Variants in COL6A3 observed in about 807,000 individuals in gnomAD.
COL6A3 encodes collagen alpha-3(VI) chain.
COL6A3 carries 137 observed loss-of-function variants against 274.1 expected under a neutral mutation model. The observed-to-expected ratio is 0.50, with a 90% CI of 0.44 to 0.58. The LOEUF (loss-of-function observed/expected upper bound fraction) is 0.58. Ranked by LOEUF, COL6A3 falls within the 20% of genes least tolerant of loss-of-function variation. COL6A3 has a pLI of 0.00. For missense variants in COL6A3, 3,950 were observed against 4,124.9 expected (o/e 0.96, Z 1.16); for synonymous variants, 1,650 against 1,650.6 (o/e 1.00, Z 0.01).
rs1229828704 is a variant in COL6A3 at position 237,368,679 on chromosome 2, G to C, written c.4784C>G (p.Thr1595Arg). 6.2e-7 allele frequency: 1 copy of C among 1,614,158 alleles called. No homozygotes were observed. The highest frequency in any genetic ancestry group is 1.1e-5 in the South Asian group (1 of 91,082). ...GGGAAGCTCTCTGAACTCTCGCACT[G>C]TGAAGACCAGTCTGGGGTCATTGGT... ...TITNDPRLVFTVREFRELPNI... is the reference protein window; with the variant it reads ...TITNDPRLVFRVREFRELPNI... Residue 1595 changes from threonine (T) to arginine (R), a missense_variant, in exon 10 of 44, where the codon ACA (threonine) becomes AGA (arginine). Thr to Arg is a moderately conservative substitution (Grantham distance 71). Around this residue, in one of 5 missense-constraint regions of COL6A3, gnomAD observed 632 missense variants for 623.4 expected, o/e 1.01. Coordinates refer to ENST00000295550, the MANE Select transcript of COL6A3 (RefSeq NM_004369.4). The surrounding 1 kb of genome is among the most constrained non-coding windows in gnomAD (Gnocchi z 4.4).
chr2:237,395,781 A>T (rs141119618), intron 2 of COL6A3, among the ~76,000 whole-genome samples: 1 of 152,350 alleles, frequency 6.6e-6, no homozygotes, highest in African/African-American at 2.4e-5. Context: ...TATTTTTTCC[A>T]GATTTTTTGA....
Position 237,368,643 on chromosome 2 carries a change from T to C in COL6A3, c.4820A>G (p.Glu1607Gly), listed in dbSNP as rs748415256. ...GGGTCCAAACGAGTTCATGATTCTT[T>C]CTTCTATGTTGGGAAGCTCTCTGAA... ...REFRELPNIE[E>G]RIMNSFGPSA... Residue 1607 changes from glutamate to glycine, a missense_variant, in exon 10 of 44, where the codon GAA becomes GGA. By Grantham distance (98) the Glu-to-Gly change is moderately conservative. This residue lies in a region of COL6A3 where 632 missense variants were observed against 623.4 expected (regional missense o/e 1.01). Coordinates refer to ENST00000295550, the MANE Select transcript of COL6A3 (RefSeq NM_004369.4). The surrounding 1 kb of genome is among the most constrained non-coding windows in gnomAD (Gnocchi z 4.4). 1 of 1,614,114 alleles carries C rather than the reference T, an allele frequency of 6.2e-7. No individual in the cohort carries two copies. The highest frequency in any genetic ancestry group is 8.5e-7 in the Non-Finnish European group (1 of 1,180,034).
chr2:237,363,466 G>C, intron 13 of COL6A3, 68 bp from the exon 14 acceptor site: 4 of 1,574,416 alleles, frequency 2.5e-6, no homozygotes, highest in Non-Finnish European at 3.5e-6. Context: ...CTTTTTTCCT[G>C]ACTACATTTT....
In COL6A3 at chr2:237,324,831, G is replaced by C. The variant is rs752501337; in HGVS notation, c.9494-17C>G. Reference sequence around the variant, plus strand: ...TGGCGAGCACTGAGCGTCGAGAGAGGGGGTGGGTGGGGTGAGGTGAGGAGC... The same window carrying C: ...TGGCGAGCACTGAGCGTCGAGAGAGCGGGTGGGTGGGGTGAGGTGAGGAGC... On this transcript the variant is annotated splice_polypyrimidine_tract_variant and intron_variant, in intron 43 of 43. Coordinates refer to ENST00000295550, the MANE Select transcript of COL6A3 (RefSeq NM_004369.4). The C allele has an allele frequency of 6.2e-7, 1 of 1,612,400 alleles. No homozygotes were observed. Among genetic ancestry groups the C allele is most frequent in the African/African-American group, 1.3e-5 (1 of 74,998 alleles).
At chr2:237,334,985 GACAA>G (rs1700458917) in intron 40 of COL6A3, 96 bp from the exon 41 acceptor site, 5 of 1,447,902 alleles carry the variant, frequency 3.5e-6, no homozygotes. Context: ...TGTGTTAACA[GACAA>G]ATTGACTTGA....
At position 237,361,986 on chromosome 2, in the gene COL6A3, G is replaced by C. The variant is rs2077448462; in HGVS notation, c.6064-155C>G. Among the ~76,000 whole-genome samples the C allele has an allele frequency of 6.6e-6, 1 of 152,202 alleles. No individual in the cohort carries two copies. Among genetic ancestry groups the C allele is most frequent in the Admixed American group, 6.5e-5 (1 of 15,286 alleles). On this transcript the variant is annotated intron_variant, in intron 14 of 43. Transcript: ENST00000295550. This position sits in a 1 kb window ranked among gnomAD's most constrained non-coding sequence, Gnocchi z 5.1. ...ACATTTGCTGGACGACTGACGATAT[G>C]ATAGAAATTGCCAGCGAAGTCAGGA...
chr2:237,387,180 A>G (rs1222293397), intron 4 of COL6A3, among the ~76,000 whole-genome samples: 1 of 152,204 alleles, frequency 6.6e-6, no homozygotes, highest in Admixed American at 6.5e-5. Context: ...GCACACTTCT[A>G]ACACTGACTT....
At chr2:237,375,085 T>A in intron 7 of COL6A3, 65 bp from the exon 8 acceptor site, 1 of 1,604,090 alleles carries the variant, frequency 6.2e-7, no homozygotes. Context: ...ATCAACGAGG[T>A]GGGCTGCATA....
In COL6A3 at chr2:237,368,816, A is replaced by G; in HGVS notation, c.4647T>C (p.Gly1549=). 1 of 1,614,134 alleles carries G rather than the reference A, an allele frequency of 6.2e-7. No homozygotes were observed. Among genetic ancestry groups the G allele is most frequent in the Non-Finnish European group, 8.5e-7 (1 of 1,180,020 alleles). ...GVPQHLVLVL[G]GKSQDDVSRF... is the part of the protein sequence containing the mutation. ...TGGACACATCGTCCTGGGATTTTCC[A>G]CCCAGGACCAGGACCAGGTGTTGGG... Residue 1549 remains glycine (G), a synonymous_variant, in exon 10 of 44, where the codon GGT becomes GGC. Coordinates refer to ENST00000295550, the MANE Select transcript of COL6A3 (RefSeq NM_004369.4). The surrounding 1 kb of genome is among the most constrained non-coding windows in gnomAD (Gnocchi z 4.4).
chr2:237,359,446 GC>G, intron 17 of COL6A3, 58 bp from the exon 18 acceptor site: 1 of 1,583,362 alleles, frequency 6.3e-7, no homozygotes, highest in Middle Eastern at 1.7e-4. Flanking sequence ...GGTCCCTCGG[GC>G]AGAAGAGGCC....
chr2:237,404,703 C>G (rs962575157), intron 1 of COL6A3, among the ~76,000 whole-genome samples: 3 of 152,172 alleles, frequency 2.0e-5, no homozygotes, highest in Non-Finnish European at 2.9e-5. Context: ...ATACCTCACA[C>G]AGTGAAAGCC....
Position 237,395,178 on chromosome 2 carries a change from T to G in COL6A3, c.118A>C (p.Ile40Leu). 1 of 1,613,616 alleles carries G rather than the reference T, an allele frequency of 6.2e-7. No individual in the cohort carries two copies. Reference protein sequence around the residue: ...ADVKNGAAADIIFLVDSSWTI... With the variant: ...ADVKNGAAADLIFLVDSSWTI... Reference sequence around the variant, plus strand: ...CAAGAGGAATCCACTAGAAATATTATATCAGCAGCCGCACCATTTTTGACA... The same window carrying G: ...CAAGAGGAATCCACTAGAAATATTAGATCAGCAGCCGCACCATTTTTGACA... The change falls in exon 3 of 44, where the codon ATA (isoleucine) becomes CTA (leucine). Residue 40 changes from isoleucine to leucine, a missense_variant. By Grantham distance (5) the Ile-to-Leu change is conservative (BLOSUM62 2). Around this residue, in one of 5 missense-constraint regions of COL6A3, gnomAD observed 1,934 missense variants for 1,984.3 expected, o/e 0.97. Coordinates refer to ENST00000295550, the MANE Select transcript of COL6A3 (RefSeq NM_004369.4).
chr2:237,347,948 A>C, intron 30 of COL6A3, 79 bp from the exon 31 acceptor site: 1 of 1,342,246 alleles, frequency 7.5e-7, no homozygotes, highest in Non-Finnish European at 1.0e-6. Context: ...TAAGACATCC[A>C]GGAGACGTGT....
chr2:237,389,264 A>T (rs758154188), intron 3 of COL6A3, among the ~76,000 whole-genome samples: 1 of 152,228 alleles, frequency 6.6e-6, no homozygotes. Flanking sequence ...TCACAGCATC[A>T]GTTCGAATGT....
chr2:237,389,991 C>T (rs2078246499), intron 3 of COL6A3, among the ~76,000 whole-genome samples: 4 of 152,234 alleles, frequency 2.6e-5, no homozygotes, highest in Middle Eastern at 3.4e-3. Context: ...ACACAGAAGG[C>T]CATAGAAATG....
At chr2:237,332,068 TA>T (rs1700262119) in intron 42 of COL6A3, among the ~76,000 whole-genome samples, 5 of 51,156 alleles carry the variant, frequency 9.8e-5, no homozygotes, top group Admixed American at 5.0e-4. Context: ...TCTCTCTCTC[TA>T]CATATATATA....
In COL6A3 at chr2:237,372,458, T is replaced by C; in HGVS notation, c.3680-121A>G. 5.1e-6 allele frequency: 8 copies of C among 1,575,752 alleles called. 1 individual carries two copies. The South Asian group carries it at 7.8e-5, about 15-fold the overall frequency. ...GGGATCCTAACACCAATCACCACTGTTAAAAGTCCAAGAAGTGGGAGTCCT... is the reference window on the plus strand; with the variant it reads ...GGGATCCTAACACCAATCACCACTGCTAAAAGTCCAAGAAGTGGGAGTCCT... On this transcript the variant is annotated intron_variant, in intron 8 of 43. Coordinates refer to ENST00000295550, the MANE Select transcript of COL6A3 (RefSeq NM_004369.4).
chr2:237,374,788 C>A lies in COL6A3; in HGVS notation c.3303G>T (p.Leu1101=). 2 of 1,614,066 alleles carry A rather than the reference C, an allele frequency of 1.2e-6. No individual in the cohort carries two copies. Among genetic ancestry groups the A allele is most frequent in the Non-Finnish European group, 8.5e-7 (1 of 1,180,012 alleles). Residue 1101 remains leucine (L), a synonymous_variant, in exon 8 of 44, where the codon CTG becomes CTT. Transcript: ENST00000295550. This position sits in a 1 kb window ranked among gnomAD's most constrained non-coding sequence, Gnocchi z 4.8. ...VVNAVRQLTL[L]GGPTPNTGAA... ...CCCCGGTGTTGGGGGTCGGCCCTCC[C>A]AGCAGGGTCAGCTGGCGGACAGCGT...
chr2:237,339,183 T>C (rs2076933322), intron 38 of COL6A3, 66 bp from the exon 39 acceptor site: 11 of 1,113,364 alleles, frequency 9.9e-6, no homozygotes, highest in Non-Finnish European at 1.5e-5. Flanking sequence ...AAAATTAATC[T>C]GTCAACAAGT....
Sources: allele counts gnomAD v4.1 joint callset (sites outside exome capture counted in the v4.1 genomes callset), GRCh38; gene constraint gnomAD v4.1.1; regional missense constraint gnomAD v4.1.1; non-coding constraint Gnocchi (gnomAD v3.1); transcripts MANE v1.5; gene names NCBI Gene and HGNC (gene_info 2026-07-23, HGNC 2026-07-21).